Variants in MTUS1 observed in about 807,000 individuals in gnomAD.
The protein encoded by MTUS1 is microtubule associated scaffold protein 1.
In MTUS1, 109 loss-of-function variants were observed where a neutral mutation model predicts 120.8. The ratio of observed to expected loss-of-function variants is 0.90; its 90% CI spans 0.77 to 1.06. The LOEUF (loss-of-function observed/expected upper bound fraction) is 1.06, where lower values mean the gene tolerates loss of function less well. Among genes scored for constraint, MTUS1 ranks in the 50% least tolerant of loss-of-function variants. MTUS1 has a pLI of 0.00. For missense variants in MTUS1, 2,210 were observed against 1,486.3 expected, an observed-to-expected ratio of 1.49 and a Z score of -8.01; for synonymous variants, 737 against 550.5, an observed-to-expected ratio of 1.34 and a Z score of -4.74.
chr8:17,653,975 G>A (rs1456009798), intron 10 of MTUS1: 1 of 157,488 alleles, frequency 6.3e-6, no homozygotes, highest in Non-Finnish European at 1.4e-5. Flanking sequence ...GCCTGACTTT[G>A]GGCAACTCTA....
rs760024677 is a variant in MTUS1 at position 17,645,951 on chromosome 8, G to A, written c.3788C>T (p.Pro1263Leu). Residue 1263 changes from proline (P) to leucine (L), a missense_variant, in exon 15 of 15, where the codon CCT becomes CTT. By Grantham distance (98) the Pro-to-Leu change is moderately conservative. Transcript: ENST00000693296. ...TCATCTGGGTGAAATGCTGGGGCTAGGGAAGGAGCCCGAATTCCTTGGTGA... is the reference window on the plus strand; with the variant it reads ...TCATCTGGGTGAAATGCTGGGGCTAAGGAAGGAGCCCGAATTCCTTGGTGA... Reference protein sequence around the residue: ...LQSPRNSGSFPSPSISPR With the variant: ...LQSPRNSGSFLSPSISPR The A allele has an allele frequency of 1.2e-6, 2 of 1,612,398 alleles. No individual in the cohort carries two copies. The highest frequency in any genetic ancestry group is 1.7e-6 in the Non-Finnish European group (2 of 1,179,804).
chr8:17,689,070 G>A (rs924546990), intron 6 of MTUS1, among the ~76,000 whole-genome samples: 1 of 152,130 alleles, frequency 6.6e-6, no homozygotes, highest in Non-Finnish European at 1.5e-5. Flanking sequence ...AGTTAGCTGG[G>A]TGTGGTGGCA....
Position 17,683,085 on chromosome 8 carries a change from A to G in MTUS1, c.2838+1243T>C, listed in dbSNP as rs2130758098. Among the ~76,000 whole-genome samples, 3 of 152,302 alleles carry G rather than the reference A, an allele frequency of 2.0e-5. No individual in the cohort carries two copies. In the Middle Eastern group the frequency reaches 0.01, roughly 518 times the overall value. On this transcript the variant is annotated intron_variant, in intron 7 of 14. Transcript: ENST00000693296. ...CAGGAGATCGAGACCATCCTGCCTA[A>G]CACAGTGAAACCCCGTCTCTACTAA...
intron 3 of MTUS1, among the ~76,000 whole-genome samples, chr8:17,739,784 C>T (rs2047179620): frequency 6.6e-6 from 1 of 152,182 alleles, no homozygotes; most frequent in Admixed American, 6.5e-5. Flanking sequence ...ACAGTGTGAG[C>T]TGCTATCATT....
chr8:17,695,612 C>G (rs1029998709), intron 6 of MTUS1, among the ~76,000 whole-genome samples: 1 of 152,190 alleles, frequency 6.6e-6, no homozygotes, highest in Non-Finnish European at 1.5e-5. Flanking sequence ...TGCTTCACAA[C>G]AACACTACAG....
chr8:17,759,612 A>T (rs968335415), intron 1 of MTUS1, among the ~76,000 whole-genome samples: 3 of 146,730 alleles, frequency 2.0e-5, no homozygotes, highest in African/African-American at 7.4e-5. Context: ...TATATATATA[A>T]AAGTTCTCTT....
At chr8:17,671,700 C>T (rs1812056584) in intron 8 of MTUS1, among the ~76,000 whole-genome samples, 1 of 152,190 alleles carries the variant, frequency 6.6e-6, no homozygotes, top group African/African-American at 2.4e-5. Context: ...TATGAACTGT[C>T]CTTTTTCTTT....
At chr8:17,715,417 G>A (rs182336213) in intron 5 of MTUS1, among the ~76,000 whole-genome samples, 3 of 152,128 alleles carry the variant, frequency 2.0e-5, no homozygotes, top group Non-Finnish European at 4.4e-5. Flanking sequence ...CACAAGTACA[G>A]TAATAAACAT....
intron 6 of MTUS1, among the ~76,000 whole-genome samples, chr8:17,687,679 C>T (rs371299371): frequency 1.3e-5 from 2 of 152,292 alleles, no homozygotes; most frequent in African/African-American, 4.8e-5. Flanking sequence ...CAGCTGTGAT[C>T]CAGCCTTACT....
At chr8:17,756,660 G>A (rs1222952715) in intron 1 of MTUS1, among the ~76,000 whole-genome samples, 1 of 89,874 alleles carries the variant, frequency 1.1e-5, no homozygotes, top group Non-Finnish European at 2.2e-5. Context: ...CAATTCATAT[G>A]TCAAGCCCAA....
chr8:17,723,542 C>G (rs1005710355), intron 4 of MTUS1, 130 bp downstream of exon 4: 1 of 925,796 alleles, frequency 1.1e-6, no homozygotes, highest in Non-Finnish European at 1.7e-6. Flanking sequence ...TTCAGAGCAA[C>G]TCCAAGGAAG....
rs1269104212 is a variant in MTUS1, at chr8:17,656,780, C to G, written c.2906-715G>C. 2.6e-5 allele frequency among the ~76,000 whole-genome samples: 4 copies of G among 151,710 alleles called. No homozygotes were observed. In the East Asian group the frequency reaches 5.9e-4, roughly 22 times the overall value. On this transcript the variant is annotated intron_variant, in intron 8 of 14. Transcript: ENST00000693296. ...AGCAGGAAAGACGAGGGATAAGAAA[C>G]AAGTGGACCGGCCGGGCGCGGTGGC...
chr8:17,661,055 A>G (rs894866568), intron 8 of MTUS1, among the ~76,000 whole-genome samples: 1 of 152,232 alleles, frequency 6.6e-6, no homozygotes, highest in South Asian at 2.1e-4. Flanking sequence ...TTCTCTGCAC[A>G]TTCACTTTTC....
At chr8:17,745,117 A>G (rs1402720257) in intron 2 of MTUS1, among the ~76,000 whole-genome samples, 2 of 152,324 alleles carry the variant, frequency 1.3e-5, no homozygotes, top group African/African-American at 4.8e-5. Flanking sequence ...TTTTTTCATT[A>G]ACAAAATTTT....
At chr8:17,724,982 C>A (rs900142125) in intron 3 of MTUS1, among the ~76,000 whole-genome samples, 6 of 152,142 alleles carry the variant, frequency 3.9e-5, no homozygotes, top group Non-Finnish European at 8.8e-5. Flanking sequence ...TCTCAAACTT[C>A]TGGCCTTAAG....
intron 13 of MTUS1, among the ~76,000 whole-genome samples, chr8:17,648,312 C>T (rs772449865): frequency 9.9e-5 from 15 of 152,186 alleles, no homozygotes; most frequent in Non-Finnish European, 1.8e-4. Context: ...CAATGCAAGG[C>T]TGAAGGATAT....
At chr8:17,761,684 A>G (rs2049048181) in intron 1 of MTUS1, among the ~76,000 whole-genome samples, 1 of 152,224 alleles carries the variant, frequency 6.6e-6, no homozygotes, top group Non-Finnish European at 1.5e-5. Flanking sequence ...CCAAAAGTAA[A>G]ACATAAGAAC....
chr8:17,652,690 G>A (rs968335674), intron 12 of MTUS1, among the ~76,000 whole-genome samples: 13 of 152,062 alleles, frequency 8.5e-5, no homozygotes, highest in African/African-American at 2.9e-4. Flanking sequence ...ACAAAAATTA[G>A]CTGGCCATGG....
rs1043885 is a variant in MTUS1 at position 17,645,761 on chromosome 8, G to C, written c.*165C>G. On this transcript the variant is annotated 3_prime_UTR_variant, in exon 15 of 15. Coordinates refer to ENST00000693296, the MANE Select transcript of MTUS1 (RefSeq NM_001363059.2). Reference sequence around the variant, plus strand: ...ACGGAGGCAAAAGTCTTCCTCCAGAGTTCCAGTCTCAGAAGCTGCGATTCC... The same window carrying C: ...ACGGAGGCAAAAGTCTTCCTCCAGACTTCCAGTCTCAGAAGCTGCGATTCC... The C allele has an allele frequency of 0.89, 770,737 of 869,496 alleles. 344,854 individuals are homozygous for C. Among genetic ancestry groups the C allele is most frequent in the East Asian group, 0.97 (31,617 of 32,480 alleles). 53.9% of individuals were successfully genotyped at this position (869,496 alleles called of 1,614,324 possible).
Sources: allele counts gnomAD v4.1 joint callset (sites outside exome capture counted in the v4.1 genomes callset), GRCh38; gene constraint gnomAD v4.1.1; transcripts MANE v1.5; gene names NCBI Gene and HGNC (gene_info 2026-07-23, HGNC 2026-07-21).